TYK2: variants seen among roughly 807,000 people sequenced by gnomAD.
TYK2 encodes the protein tyrosine kinase 2.
Under a neutral mutation model 130.9 loss-of-function variants are expected in TYK2, and 65 were observed. The observed-to-expected ratio is 0.50, with a 90% CI of 0.41 to 0.61. TYK2 has a LOEUF of 0.61. Among genes scored for constraint, TYK2 ranks in the 20% least tolerant of loss-of-function variants. The pLI, the probability that TYK2 is intolerant of heterozygous loss-of-function variation, is 0.00. For synonymous variants in TYK2, 647 were observed against 658.9 expected, an observed-to-expected ratio of 0.98 and a Z score of 0.28; for missense variants, 1,378 against 1,610.7, an observed-to-expected ratio of 0.86 and a Z score of 2.47.
chr19:10,358,234 C>A, intron 15 of TYK2, 96 bp from the exon 16 acceptor site: 1 of 1,203,296 alleles, frequency 8.3e-7, no homozygotes, highest in Non-Finnish European at 1.1e-6. Flanking sequence ...GTGAAAAGGA[C>A]AACTGTGACT....
At chr19:10,358,937 C>G (rs1294072219) in intron 15 of TYK2, among the ~76,000 whole-genome samples, 1 of 152,128 alleles carries the variant, frequency 6.6e-6, no homozygotes, top group Non-Finnish European at 1.5e-5. Context: ...ATGGCAGGAG[C>G]CTATAATCCC....
At chr19:10,366,655 T>TA in intron 5 of TYK2, 75 bp from the exon 6 acceptor site, 1 of 1,558,156 alleles carries the variant, frequency 6.4e-7, no homozygotes, top group Non-Finnish European at 8.8e-7. Flanking sequence ...TCCAATCTTC[T>TA]GGCTACCCTG....
At position 10,351,660 on chromosome 19, in the gene TYK2, G is replaced by A. The variant is rs118036551; in HGVS notation, c.3319-498C>T. Reference sequence around the variant, plus strand: ...TCTGCCACCTGGGATTACTGTGAACGTTAAACTAATATTCATAGAGTAAGC... The same window carrying A: ...TCTGCCACCTGGGATTACTGTGAACATTAAACTAATATTCATAGAGTAAGC... On this transcript the variant is annotated intron_variant, in intron 23 of 24. Transcript: ENST00000525621. Among the ~76,000 whole-genome samples the A allele has an allele frequency of 5.2e-3, 788 of 152,256 alleles. 14 individuals are homozygous for A. Among genetic ancestry groups the A allele is most frequent in the East Asian group, 0.031 (159 of 5,188 alleles).
chr19:10,352,483 G>A lies in TYK2; in HGVS notation c.3269C>T (p.Thr1090Ile). The A allele has an allele frequency of 6.2e-7, 1 of 1,608,916 alleles. No individual in the cohort carries two copies. The highest frequency in any genetic ancestry group is 8.5e-7 in the Non-Finnish European group (1 of 1,177,080). The stretch of plus-strand genomic sequence containing the variant: ...ACAGTGCGTCAGCAGCTCATACAGG[G>A]TCACCCCGAAGGACCAGACATCTGA... ...YASDVWSFGV[T>I]LYELLTHCDS... Residue 1090 changes from threonine to isoleucine, a missense_variant, in exon 23 of 25, where the codon ACC (threonine) becomes ATC (isoleucine). Thr to Ile is a moderately conservative substitution (Grantham distance 89, BLOSUM62 -1). Transcript: ENST00000525621.
Position 10,357,915 on chromosome 19 carries a change from C to T in TYK2, c.2315G>A (p.Arg772Gln), listed in dbSNP as rs148823525. Residue 772 changes from arginine (R) to glutamine (Q), a missense_variant, in exon 17 of 25, where the codon CGG becomes CAG. Arg to Gln is a conservative substitution (Grantham distance 43). Coordinates refer to ENST00000525621, the MANE Select transcript of TYK2 (RefSeq NM_003331.5). ...GGCCAGCCAGGGGATCCTCTCCACC[C>T]GCTCTGGGAGGCCAAGGTCAGAGGT... ...VGLGALSREE[R>Q]VERIPWLAPE... 1.9e-5 allele frequency: 31 copies of T among 1,613,544 alleles called. No individual in the cohort carries two copies. The highest frequency in any genetic ancestry group is 1.3e-4 in the East Asian group (6 of 44,886).
intron 9 of TYK2, among the ~76,000 whole-genome samples, chr19:10,362,974 T>C (rs540130149): frequency 3.3e-5 from 5 of 150,432 alleles, no homozygotes; most frequent in Admixed American, 1.3e-4. Flanking sequence ...TTCAAGCAAT[T>C]CTCTTGCCTC....
In TYK2 at chr19:10,364,525, CTA is replaced by C. The variant is rs1491120142; in HGVS notation, c.1367+87_1367+88del. On this transcript the variant is annotated intron_variant, in intron 9 of 24. Transcript: ENST00000525621. This position sits in a 1 kb window ranked among gnomAD's most constrained non-coding sequence, Gnocchi z 4.9. Reference sequence around the variant, plus strand: ...AATAAAAAAAAAATAAGACGTGCACCTACACACACACCCTGCACAGCCCCTAG... The same window carrying C: ...AATAAAAAAAAAATAAGACGTGCACCCACACACACCCTGCACAGCCCCTAG... 2.0e-6 allele frequency: 3 copies of C among 1,469,428 alleles called. No homozygotes were observed. The highest frequency in any genetic ancestry group is 2.0e-4 in the Middle Eastern group (1 of 5,126). The allele number at this position is 1,469,428 out of a possible 1,614,324, so 91.0% of individuals were successfully genotyped here.
intron 3 of TYK2, among the ~76,000 whole-genome samples, chr19:10,371,137 T>C (rs2041892744): frequency 6.6e-6 from 1 of 151,640 alleles, no homozygotes; most frequent in South Asian, 2.1e-4. Context: ...AGCTGATTTT[T>C]GTAGTTTTTG....
chr19:10,353,309 A>C lies in TYK2; in HGVS notation c.3028-211T>G, dbSNP rs990671901. On this transcript the variant is annotated intron_variant, in intron 21 of 24. Coordinates refer to ENST00000525621, the MANE Select transcript of TYK2 (RefSeq NM_003331.5). The surrounding 1 kb of genome is among the most constrained non-coding windows in gnomAD (Gnocchi z 6.9). ...GGCTAGACGAGCAAAGCTGGGCAGGAGGGCGAGTTGGGAGGGGCCGAGCCG... is the reference window on the plus strand; with the variant it reads ...GGCTAGACGAGCAAAGCTGGGCAGGCGGGCGAGTTGGGAGGGGCCGAGCCG... The C allele has an allele frequency of 1.7e-5, 10 of 572,942 alleles. No individual in the cohort carries two copies. The highest frequency in any genetic ancestry group is 3.0e-5 in the Non-Finnish European group (10 of 335,680). 35.5% of individuals were successfully genotyped at this position (572,942 alleles called of 1,614,324 possible).
intron 2 of TYK2, 79 bp downstream of exon 2, chr19:10,379,536 T>A (rs1334728025): frequency 6.7e-6 from 1 of 149,842 alleles, no homozygotes; most frequent in Non-Finnish European, 1.5e-5. Flanking sequence ...AATAAATAAA[T>A]AAATAAAAAG....
intron 3 of TYK2, 66 bp from the exon 4 acceptor site, chr19:10,368,484 C>T (rs1312390244): frequency 1.2e-6 from 2 of 1,610,304 alleles, no homozygotes; most frequent in East Asian, 2.2e-5. Context: ...AAAGACCCCC[C>T]AGACCCAATG....
intron 3 of TYK2, among the ~76,000 whole-genome samples, chr19:10,375,553 G>A (rs1309885268): frequency 3.3e-5 from 5 of 151,940 alleles, no homozygotes; most frequent in Non-Finnish European, 7.4e-5. Context: ...GGACATGGAG[G>A]TTGCAGTGAG....
chr19:10,366,349 C>T, intron 6 of TYK2, 68 bp downstream of exon 6: 1 of 1,532,202 alleles, frequency 6.5e-7, no homozygotes, highest in Non-Finnish European at 8.9e-7. Context: ...GCAAAGTCTA[C>T]CCTGGCTCCC....
At chr19:10,357,584 C>T (rs1349999095) in intron 17 of TYK2, 180 bp downstream of exon 17, 4 of 845,064 alleles carry the variant, frequency 4.7e-6, no homozygotes, top group East Asian at 2.6e-5. Context: ...GTGACTTCCA[C>T]AAGGACCTAA....
In TYK2 at chr19:10,350,891, C is replaced by T. The variant is rs770089444; in HGVS notation, c.3507G>A (p.Leu1169=). Residue 1169 remains leucine (L), a synonymous_variant, in exon 25 of 25, where the codon CTG becomes CTA. Coordinates refer to ENST00000525621, the MANE Select transcript of TYK2 (RefSeq NM_003331.5). ...RPTFENLIPI[L]KTVHEKYQGQ... ...CTTGGTACTTCTCATGGACTGTCTT[C>T]AGAATGGGTATGAGGTTCTCGAAGG... 6.2e-7 allele frequency: 1 copy of T among 1,614,172 alleles called. No homozygotes were observed.
chr19:10,360,402 C>T (rs567215549), intron 14 of TYK2, among the ~76,000 whole-genome samples: 3 of 152,146 alleles, frequency 2.0e-5, no homozygotes, highest in East Asian at 1.9e-4. Context: ...GAGGCTGAGG[C>T]GGAAGGATCG....
chr19:10,379,206 G>A (rs2042282435), intron 2 of TYK2, among the ~76,000 whole-genome samples: 2 of 151,936 alleles, frequency 1.3e-5, no homozygotes, highest in Admixed American at 1.3e-4. Context: ...GTGCACATCT[G>A]TACTCCAAGC....
At chr19:10,365,414 A>C in intron 7 of TYK2, 103 bp downstream of exon 7, 1 of 1,556,256 alleles carries the variant, frequency 6.4e-7, no homozygotes, top group South Asian at 1.1e-5. Flanking sequence ...ATGTGGGGAG[A>C]GGGCTCAGGT....
chr19:10,352,834 A>C (rs751125171), intron 22 of TYK2, 92 bp downstream of exon 22: 11 of 1,453,664 alleles, frequency 7.6e-6, no homozygotes, highest in Non-Finnish European at 1.0e-5. Context: ...CACTGGGATC[A>C]TGCCCTATCA....
Sources: gnomAD v4.1 joint callset for allele counts (sites outside exome capture counted in the v4.1 genomes callset) on GRCh38, gnomAD v4.1.1 for gene constraint, Gnocchi (gnomAD v3.1) non-coding constraint, MANE v1.5 for transcripts, NCBI Gene and HGNC (gene_info 2026-07-23, HGNC 2026-07-21) for gene names.